The following MAGI2 variants were observed in gnomAD, a reference collection of about 807,000 sequenced individuals.
MAGI2 encodes the protein membrane-associated guanylate kinase, WW and PDZ domain-containing protein 2.
Under a neutral mutation model 133.3 loss-of-function variants are expected in MAGI2, and 35 were observed. That is an observed-to-expected ratio of 0.26 (90% confidence interval 0.20 to 0.35). The LOEUF is 0.35. Among genes scored for constraint, MAGI2 ranks in the 10% least tolerant of loss-of-function variants. The probability of loss-of-function intolerance (pLI) is 1.00; values close to 1 mark genes in which losing one functional copy is unlikely to be tolerated. For synonymous variants in MAGI2, 729 were observed against 710.6 expected, an observed-to-expected ratio of 1.03 and a Z score of -0.41; for missense variants, 1,636 against 1,863.4, an observed-to-expected ratio of 0.88 and a Z score of 2.25.
intron 1 of MAGI2, among the ~76,000 whole-genome samples, chr7:79,285,065 C>G (rs1431419006): frequency 6.6e-6 from 1 of 151,938 alleles, no homozygotes; most frequent in Admixed American, 6.6e-5. Context: ...CTACCATGCC[C>G]ATAATAGAAT....
At chr7:79,006,023 A>T (rs1807403146) in intron 2 of MAGI2, among the ~76,000 whole-genome samples, 1 of 152,030 alleles carries the variant, frequency 6.6e-6, no homozygotes, top group Non-Finnish European at 1.5e-5. Context: ...GCAAAAGTCC[A>T]CCTCTCCTAA....
intron 6 of MAGI2, among the ~76,000 whole-genome samples, chr7:78,423,756 C>T (rs543286777): frequency 1.6e-4 from 25 of 152,062 alleles, no homozygotes; most frequent in Non-Finnish European, 2.9e-4. Context: ...AAGAGACTGC[C>T]GGCATTTTGG....
At chr7:78,755,570 G>T (rs1823866525) in intron 2 of MAGI2, among the ~76,000 whole-genome samples, 1 of 152,024 alleles carries the variant, frequency 6.6e-6, no homozygotes, top group South Asian at 2.1e-4. Flanking sequence ...AAAGGCTTGT[G>T]TATCTACACA....
intron 1 of MAGI2, among the ~76,000 whole-genome samples, chr7:79,039,184 T>C (rs1811389678): frequency 6.6e-6 from 1 of 152,122 alleles, no homozygotes. Flanking sequence ...GATGGTTTTA[T>C]AAGGGGCTTT....
intron 1 of MAGI2, among the ~76,000 whole-genome samples, chr7:79,097,436 G>A (rs1817612583): frequency 6.6e-6 from 1 of 152,196 alleles, no homozygotes; most frequent in Admixed American, 6.5e-5. Context: ...ATGTTGAGAT[G>A]TGGATCAGAA....
At chr7:78,352,710 C>G (rs1416357093) in intron 7 of MAGI2, 1 of 152,144 alleles carries the variant, frequency 6.6e-6, no homozygotes, top group Non-Finnish European at 1.5e-5. Flanking sequence ...GAAACTCTTA[C>G]AGCTGAGTCT....
At chr7:79,184,749 AATTCTG>A (rs1355229865) in intron 1 of MAGI2, among the ~76,000 whole-genome samples, 3 of 151,842 alleles carry the variant, frequency 2.0e-5, no homozygotes, top group African/African-American at 4.8e-5. Context: ...CATTAACTGC[AATTCTG>A]ATTCTATCAA....
intron 6 of MAGI2, among the ~76,000 whole-genome samples, chr7:78,375,961 C>T (rs1003208320): frequency 2.0e-5 from 3 of 152,006 alleles, no homozygotes; most frequent in Non-Finnish European, 2.9e-5. Flanking sequence ...TGACTTTTTG[C>T]TAACAAAAGG....
intron 7 of MAGI2, among the ~76,000 whole-genome samples, chr7:78,360,780 T>G (rs1341494651): frequency 6.6e-6 from 1 of 152,166 alleles, no homozygotes; most frequent in East Asian, 1.9e-4. Context: ...GCAACTCTCT[T>G]AATCAACAAT....
At chr7:79,157,295 C>A (rs537980281) in intron 1 of MAGI2, among the ~76,000 whole-genome samples, 16 of 151,914 alleles carry the variant, frequency 1.1e-4, no homozygotes, top group Non-Finnish European at 1.9e-4. Flanking sequence ...GGGATTGACA[C>A]CTCACAACAT....
At chr7:78,233,163 A>G (rs1790153982) in intron 10 of MAGI2, among the ~76,000 whole-genome samples, 1 of 152,178 alleles carries the variant, frequency 6.6e-6, no homozygotes, top group Non-Finnish European at 1.5e-5. Context: ...TTGTAAAAGT[A>G]GATACAATCA....
chr7:78,292,714 C>T (rs578228589), intron 9 of MAGI2, among the ~76,000 whole-genome samples: 73 of 152,132 alleles, frequency 4.8e-4, no homozygotes, highest in East Asian at 1.4e-3. Context: ...AAAAACAGCA[C>T]GGTACTGGTA....
intron 2 of MAGI2, among the ~76,000 whole-genome samples, chr7:78,941,879 C>A (rs2216458): frequency 0.045 from 6,821 of 152,028 alleles, 371 homozygotes; most frequent in East Asian, 0.17. Flanking sequence ...TGTCACCTTT[C>A]AACACCTATA....
At chr7:78,938,120 G>T (rs1042105493) in intron 2 of MAGI2, among the ~76,000 whole-genome samples, 12 of 151,786 alleles carry the variant, frequency 7.9e-5, no homozygotes, top group African/African-American at 2.9e-4. Context: ...ACAAAAGTCG[G>T]GGAAAAATTA....
Position 78,792,736 on chromosome 7 carries a change from AAAG to A in MAGI2, c.419-165500_419-165498del, listed in dbSNP as rs560448734. On this transcript the variant is annotated intron_variant, in intron 2 of 21. Coordinates refer to ENST00000354212, the MANE Select transcript of MAGI2 (RefSeq NM_012301.4). The stretch of plus-strand genomic sequence containing the variant: ...ACAAGTGTAAGTGGTTAACTGAAAA[AAAG>A]AAGTAATTCATATAGTGAAAGAGCA... 1.1e-3 allele frequency among the ~76,000 whole-genome samples: 170 copies of A among 152,340 alleles called. 1 individual carries two copies. Among genetic ancestry groups the A allele is most frequent in the African/African-American group, 4.0e-3 (165 of 41,570 alleles).
intron 1 of MAGI2, among the ~76,000 whole-genome samples, chr7:79,383,265 A>C (rs1364208497): frequency 6.6e-6 from 1 of 151,638 alleles, no homozygotes; most frequent in Non-Finnish European, 1.5e-5. Context: ...AGGATGCTTT[A>C]CTTCACTCTC....
chr7:78,542,356 A>G (rs1019691190), intron 3 of MAGI2, among the ~76,000 whole-genome samples: 1 of 152,178 alleles, frequency 6.6e-6, no homozygotes, highest in African/African-American at 2.4e-5. Context: ...TCATTCATTA[A>G]CTGAATACTT....
At chr7:78,314,146 C>G (rs1787163534) in intron 9 of MAGI2, among the ~76,000 whole-genome samples, 1 of 152,128 alleles carries the variant, frequency 6.6e-6, no homozygotes. Flanking sequence ...TTAAATAAGA[C>G]TGTAATGGAC....
intron 2 of MAGI2, among the ~76,000 whole-genome samples, chr7:78,644,775 A>G (rs1415501775): frequency 1.3e-5 from 2 of 152,172 alleles, no homozygotes; most frequent in Non-Finnish European, 2.9e-5. Context: ...AAAGGGAATA[A>G]TAAAAATCAG....
Sources: gnomAD v4.1 joint callset for allele counts (sites outside exome capture counted in the v4.1 genomes callset) on GRCh38, gnomAD v4.1.1 for gene constraint, MANE v1.5 for transcripts, NCBI Gene and HGNC (gene_info 2026-07-23, HGNC 2026-07-21) for gene names.